GAPVD1: variants seen among roughly 807,000 people sequenced by gnomAD.
The protein encoded by GAPVD1 is GTPase-activating protein and VPS9 domain-containing protein 1.
A neutral mutation model predicts 155.5 loss-of-function variants in GAPVD1; 35 were observed. The observed-to-expected ratio is 0.23, with a 90% CI of 0.17 to 0.30. GAPVD1 has a LOEUF of 0.30. GAPVD1 is among the 10% of genes least tolerant of loss of function. GAPVD1 has a pLI of 1.00. For synonymous variants in GAPVD1, 636 were observed against 619.7 expected, an observed-to-expected ratio of 1.03 and a Z score of -0.39; for missense variants, 1,429 against 1,775.7, an observed-to-expected ratio of 0.80 and a Z score of 3.51.
Position 125,302,677 on chromosome 9 carries a change from G to A in GAPVD1, c.880G>A (p.Val294Ile), listed in dbSNP as rs770821838. The change falls in exon 5 of 28, where the codon GTA becomes ATA. Residue 294 changes from valine (V) to isoleucine (I), a missense_variant. Physicochemically the swap from Val to Ile is conservative, Grantham distance 29. This residue lies in a region of GAPVD1 where 628 missense variants were observed against 733.4 expected (regional missense o/e 0.86). Coordinates refer to ENST00000297933, the MANE Select transcript of GAPVD1 (RefSeq NM_001282680.3). ...VSQMYKTLSC[V>I]DRLEVGEVRA... Reference sequence around the variant, plus strand: ...TCAGATGTACAAAACCCTCTCCTGTGTAGATAGGCTGGAAGTTGGGGAGGT... The same window carrying A: ...TCAGATGTACAAAACCCTCTCCTGTATAGATAGGCTGGAAGTTGGGGAGGT... The A allele has an allele frequency of 1.2e-6, 2 of 1,613,976 alleles. No individual in the cohort carries two copies. The highest frequency in any genetic ancestry group is 1.1e-5 in the South Asian group (1 of 91,078).
Position 125,302,061 on chromosome 9 carries a change from A to G in GAPVD1, c.264A>G (p.Gln88=). 1 of 1,612,888 alleles carries G rather than the reference A, an allele frequency of 6.2e-7. No individual in the cohort carries two copies. The highest frequency in any genetic ancestry group is 8.5e-7 in the Non-Finnish European group (1 of 1,179,514). Residue 88 remains glutamine, a synonymous_variant, in exon 5 of 28, where the codon CAA becomes CAG. Coordinates refer to ENST00000297933, the MANE Select transcript of GAPVD1 (RefSeq NM_001282680.3). ...EDTQFVDGYK[Q]LGFQETAYGE... ...CACAATTTGTTGATGGGTATAAGCA[A>G]TTGGGATTTCAGGAGACTGCTTATG...
At chr9:125,354,899 T>C (rs1018686194) in intron 24 of GAPVD1, 58 bp downstream of exon 24, 2 of 1,203,986 alleles carry the variant, frequency 1.7e-6, no homozygotes, top group Non-Finnish European at 2.4e-6. Flanking sequence ...TGGGAAGATT[T>C]AGAAATACTG....
In GAPVD1 at chr9:125,333,810, A is replaced by G. The variant is rs556915833; in HGVS notation, c.2428+1181A>G. Among the ~76,000 whole-genome samples, 248 of 151,472 alleles carry G rather than the reference A, an allele frequency of 1.6e-3. 1 individual carries two copies. Among genetic ancestry groups the G allele is most frequent in the Non-Finnish European group, 2.2e-3 (149 of 67,796 alleles). On this transcript the variant is annotated intron_variant, in intron 15 of 27. Transcript: ENST00000297933. ...GCGAGGTACTTTTTCTATTTTTACA[A>G]TTTTTTTTTGTTCTAAACCAGGGTT...
At position 125,337,528 on chromosome 9, in the gene GAPVD1, T is replaced by C. The variant is rs376125045; in HGVS notation, c.2814T>C (p.Thr938=). Residue 938 remains threonine (T), a synonymous_variant, in exon 17 of 28, where the codon ACT becomes ACC. Transcript: ENST00000297933. Reference sequence around the variant, plus strand: ...CTCCAGCTGCAGCCATTGGTGCTACTTCTTTGGTGGCTGCACCTCATTCAT... The same window carrying C: ...CTCCAGCTGCAGCCATTGGTGCTACCTCTTTGGTGGCTGCACCTCATTCAT... ...ELPPAAAIGA[T]SLVAAPHSSS... is the part of the protein sequence containing the mutation. The C allele has an allele frequency of 2.5e-6, 4 of 1,613,924 alleles. No homozygotes were observed. The African/African-American group carries it at 4.0e-5, about 16-fold the overall frequency.
At chr9:125,289,927 T>C (rs540599819) in intron 2 of GAPVD1, among the ~76,000 whole-genome samples, 2 of 152,184 alleles carry the variant, frequency 1.3e-5, no homozygotes, top group Admixed American at 6.6e-5. Context: ...ACAAAGGAGA[T>C]AGACTGAGTG....
chr9:125,338,168 C>T (rs1281493793), intron 17 of GAPVD1, among the ~76,000 whole-genome samples: 1 of 152,234 alleles, frequency 6.6e-6, no homozygotes, highest in Admixed American at 6.5e-5. Flanking sequence ...AGCCACCGCA[C>T]CTGGCCCCAT....
chr9:125,324,521 G>A lies in GAPVD1; in HGVS notation c.1858+598G>A, dbSNP rs538853986. On this transcript the variant is annotated intron_variant, in intron 11 of 27. Transcript: ENST00000297933. ...GGAGAATCGCTTGAACCCAGGAGGC[G>A]GAGGTTGCGGTGAGCCAAGATCGTG... 5.3e-5 allele frequency among the ~76,000 whole-genome samples: 8 copies of A among 152,150 alleles called. No homozygotes were observed. The East Asian group carries it at 9.7e-4, about 19-fold the overall frequency.
chr9:125,302,752 G>A lies in GAPVD1; in HGVS notation c.955G>A (p.Val319Ile). The change falls in exon 5 of 28, where the codon GTT (valine) becomes ATT (isoleucine). Residue 319 changes from valine (V) to isoleucine (I), a missense_variant. Around this residue, in one of 4 missense-constraint regions of GAPVD1, gnomAD observed 628 missense variants for 733.4 expected, o/e 0.86. Transcript: ENST00000297933. ...GTTGGCCTGCTTCATTTGTCCTGCA[G>A]TTGTCAATCCAGAACAATATGGAAT... ...LLLACFICPAVVNPEQYGIIS... is the reference protein window; with the variant it reads ...LLLACFICPAIVNPEQYGIIS... 1 of 1,614,106 alleles carries A rather than the reference G, an allele frequency of 6.2e-7. No homozygotes were observed. Among genetic ancestry groups the A allele is most frequent in the Admixed American group, 1.7e-5 (1 of 59,998 alleles).
chr9:125,301,727 G>A (rs559901305), intron 4 of GAPVD1, among the ~76,000 whole-genome samples: 35 of 152,178 alleles, frequency 2.3e-4, no homozygotes, highest in African/African-American at 3.9e-4. Context: ...TGGGATTACA[G>A]GTCTGAGCCA....
chr9:125,352,475 C>T (rs892671098), intron 23 of GAPVD1, among the ~76,000 whole-genome samples: 3 of 152,254 alleles, frequency 2.0e-5, no homozygotes, highest in Non-Finnish European at 4.4e-5. Context: ...AAGCCACAGC[C>T]TGAGCTCTGT....
At chr9:125,345,235 C>G (rs1848351401) in intron 19 of GAPVD1, among the ~76,000 whole-genome samples, 1 of 150,606 alleles carries the variant, frequency 6.6e-6, no homozygotes, top group African/African-American at 2.4e-5. Context: ...GGATGGAGTG[C>G]AGTGGCGCGA....
chr9:125,332,137 C>A lies in GAPVD1; in HGVS notation c.2308+77C>A. On this transcript the variant is annotated intron_variant, in intron 14 of 27. Transcript: ENST00000297933. ...CCCCCTCCTATTTATAAAGTTGATA[C>A]AAAAAGATATGTTATATTTAAGAGC... 3.0e-6 allele frequency: 4 copies of A among 1,323,456 alleles called. No homozygotes were observed. In the Admixed American group the frequency reaches 6.6e-5, roughly 22 times the overall value. 82.0% of individuals were successfully genotyped at this position (1,323,456 alleles called of 1,614,324 possible).
chr9:125,271,590 G>A (rs1853443515), intron 2 of GAPVD1, among the ~76,000 whole-genome samples: 2 of 151,752 alleles, frequency 1.3e-5, no homozygotes, highest in Non-Finnish European at 1.5e-5. Flanking sequence ...TTGCTCTCTT[G>A]CCCAGGCTGG....
intron 9 of GAPVD1, among the ~76,000 whole-genome samples, chr9:125,315,925 T>G (rs1157476334): frequency 6.6e-6 from 1 of 152,148 alleles, no homozygotes. Flanking sequence ...TAAGGTACAG[T>G]TGCAAACTGC....
chr9:125,330,996 T>TG (rs377410499), intron 13 of GAPVD1, among the ~76,000 whole-genome samples: 1 of 151,918 alleles, frequency 6.6e-6, no homozygotes, highest in Non-Finnish European at 1.5e-5. Context: ...ATTTTTTTTT[T>TG]GTGCAGGTTA....
intron 1 of GAPVD1, among the ~76,000 whole-genome samples, chr9:125,262,519 G>A (rs1833095729): frequency 6.6e-6 from 1 of 152,064 alleles, no homozygotes; most frequent in Non-Finnish European, 1.5e-5. Flanking sequence ...ACCTTTTATT[G>A]ACTGGCAAAA....
Position 125,329,337 on chromosome 9 carries a change from G to A in GAPVD1, c.2033-741G>A, listed in dbSNP as rs554194683. On this transcript the variant is annotated intron_variant, in intron 12 of 27. Coordinates refer to ENST00000297933, the MANE Select transcript of GAPVD1 (RefSeq NM_001282680.3). ...TGCTGGAAGAAAAAATATTTGGCCA[G>A]CATAACATTCTGTGGTTAAACTCTC... 8.5e-5 allele frequency among the ~76,000 whole-genome samples: 13 copies of A among 152,268 alleles called. No homozygotes were observed. The South Asian group carries it at 2.7e-3, about 32-fold the overall frequency.
At position 125,362,877 on chromosome 9, in the gene GAPVD1, G is replaced by C. The variant is rs1203735911; in HGVS notation, c.*131G>C. On this transcript the variant is annotated 3_prime_UTR_variant, in exon 28 of 28. Transcript: ENST00000297933. Reference sequence around the variant, plus strand: ...GCACAGCATCAGGCATTTTAAAGCAGATCTTTACTAAACAGGTTAATGAGC... The same window carrying C: ...GCACAGCATCAGGCATTTTAAAGCACATCTTTACTAAACAGGTTAATGAGC... 2 of 693,924 alleles carry C rather than the reference G, an allele frequency of 2.9e-6. No individual in the cohort carries two copies. The highest frequency in any genetic ancestry group is 4.5e-6 in the Non-Finnish European group (2 of 439,946). The allele number at this position is 693,924 out of a possible 1,614,324, so 43.0% of individuals were successfully genotyped here.
chr9:125,356,493 T>C (rs1401213873), intron 25 of GAPVD1, among the ~76,000 whole-genome samples: 1 of 152,118 alleles, frequency 6.6e-6, no homozygotes, highest in Non-Finnish European at 1.5e-5. Flanking sequence ...GTTCTTTTTT[T>C]CTTTTTCTTT....
Sources: gnomAD v4.1 joint callset for allele counts (sites outside exome capture counted in the v4.1 genomes callset) on GRCh38, gnomAD v4.1.1 for gene constraint, gnomAD v4.1.1 regional missense constraint, MANE v1.5 for transcripts, NCBI Gene and HGNC (gene_info 2026-07-23, HGNC 2026-07-21) for gene names.